Variants in NEK4 observed in about 807,000 individuals in gnomAD.
The protein encoded by NEK4 is serine/threonine-protein kinase Nek4.
A neutral mutation model predicts 98.4 loss-of-function variants in NEK4; 86 were observed. That is an observed-to-expected ratio of 0.87 (90% confidence interval 0.73 to 1.05). The LOEUF (loss-of-function observed/expected upper bound fraction) is 1.05, where lower values mean the gene tolerates loss of function less well. Ranked by LOEUF, NEK4 falls within the 50% of genes least tolerant of loss-of-function variation. The pLI is 0.00. For missense variants in NEK4, 898 were observed against 950.3 expected, an observed-to-expected ratio of 0.94 and a Z score of 0.72; for synonymous variants, 328 against 342.2, an observed-to-expected ratio of 0.96 and a Z score of 0.46.
In NEK4 at chr3:52,746,234, T is replaced by G. The variant is rs766362889; in HGVS notation, c.1678-24A>C. On this transcript the variant is annotated intron_variant, in intron 9 of 15. Transcript: ENST00000233027. ...AACTTAAATAATTAAAAAAGAAGAT[T>G]ATCAGTTTCATATATAGCCCCTTCC... 3 of 1,610,316 alleles carry G rather than the reference T, an allele frequency of 1.9e-6. No individual in the cohort carries two copies. The South Asian group carries it at 3.3e-5, about 18-fold the overall frequency.
chr3:52,716,431 A>G (rs1256286430), intron 15 of NEK4, among the ~76,000 whole-genome samples: 2 of 152,242 alleles, frequency 1.3e-5, no homozygotes, highest in African/African-American at 4.8e-5. Flanking sequence ...GCCAGTTTCA[A>G]CTGACGTCGT....
chr3:52,763,647 AAT>A, intron 4 of NEK4, 23 bp from the exon 5 acceptor site: 1 of 1,536,278 alleles, frequency 6.5e-7, no homozygotes, highest in South Asian at 1.2e-5. Context: ...ATAATATTGT[AAT>A]TATGACTAAT....
In NEK4 at chr3:52,766,182, T is replaced by G; in HGVS notation, c.554A>C (p.Tyr185Ser). ...GCATACAGAGCCCAATCCTACCTTATAGTTGTAGGGTTTGTTTGAGAACAA... is the reference window on the plus strand; with the variant it reads ...GCATACAGAGCCCAATCCTACCTTAGAGTTGTAGGGTTTGTTTGAGAACAA... The part of the protein sequence containing the change: ...PELFSNKPYN[Y>S]KSDVWALGCC... The change falls in exon 3 of 16, where the codon TAT (tyrosine) becomes TCT (serine). Residue 185 changes from tyrosine (Y) to serine (S), a missense_variant. Physicochemically the swap from Tyr to Ser is moderately radical, Grantham distance 144. Coordinates refer to ENST00000233027, the MANE Select transcript of NEK4 (RefSeq NM_003157.6). The G allele has an allele frequency of 6.2e-7, 1 of 1,613,194 alleles. No homozygotes were observed. The highest frequency in any genetic ancestry group is 8.5e-7 in the Non-Finnish European group (1 of 1,179,168).
In NEK4 at chr3:52,766,012, T is replaced by G. The variant is rs1352320742; in HGVS notation, c.559-18A>C. On this transcript the variant is annotated intron_variant, in intron 3 of 15. Coordinates refer to ENST00000233027, the MANE Select transcript of NEK4 (RefSeq NM_003157.6). ...ACATCAGACTAGAAAATAAAAACAG[T>G]AAACGGTTAAATGTCAGAATAGCTT... The G allele has an allele frequency of 6.5e-7, 1 of 1,544,798 alleles. No homozygotes were observed. Among genetic ancestry groups the G allele is most frequent in the Non-Finnish European group, 8.9e-7 (1 of 1,120,578 alleles).
chr3:52,764,646 T>G (rs1698483200), intron 4 of NEK4, among the ~76,000 whole-genome samples: 2 of 151,346 alleles, frequency 1.3e-5, no homozygotes, highest in Admixed American at 6.6e-5. Context: ...AAAAAAAACT[T>G]GCAGGTACCG....
In NEK4 at chr3:52,718,371, G is replaced by A. The variant is rs1033446886; in HGVS notation, c.2434-6502C>T. ...GCCAGTAATCCCAGCTACTCGGTAG[G>A]ATGAGGCAGGAGAATCGCTTGAACC... On this transcript the variant is annotated intron_variant, in intron 15 of 15. Coordinates refer to ENST00000233027, the MANE Select transcript of NEK4 (RefSeq NM_003157.6). Among the ~76,000 whole-genome samples the A allele has an allele frequency of 4.0e-5, 6 of 150,292 alleles. No homozygotes were observed. The Admixed American group carries it at 4.0e-4, about 10-fold the overall frequency.
intron 15 of NEK4, among the ~76,000 whole-genome samples, chr3:52,714,980 G>C (rs999520700): frequency 6.6e-6 from 1 of 152,352 alleles, no homozygotes; most frequent in East Asian, 1.9e-4. Flanking sequence ...GTGGAGGGCA[G>C]CTTGGCACTG....
intron 15 of NEK4, among the ~76,000 whole-genome samples, chr3:52,719,115 G>C (rs932123878): frequency 4.6e-5 from 7 of 152,196 alleles, no homozygotes; most frequent in African/African-American, 1.7e-4. Context: ...CTTAAAGGCA[G>C]AAAGCCTCTA....
chr3:52,737,814 T>C (rs2097378842), intron 14 of NEK4, 95 bp from the exon 15 acceptor site: 1 of 894,688 alleles, frequency 1.1e-6, no homozygotes, highest in Admixed American at 3.2e-5. Context: ...TTTTATTTTA[T>C]TTATTTATTT....
chr3:52,728,686 C>T (rs1335356074), intron 15 of NEK4, among the ~76,000 whole-genome samples: 1 of 152,090 alleles, frequency 6.6e-6, no homozygotes, highest in Non-Finnish European at 1.5e-5. Context: ...AGGGGTCGGG[C>T]AAAATAGAGC....
At chr3:52,749,945 T>TA (rs1215408190) in intron 7 of NEK4, 116 bp from the exon 8 acceptor site, 1 of 153,098 alleles carries the variant, frequency 6.5e-6, no homozygotes, top group Non-Finnish European at 1.5e-5. Context: ...CAATGAACAG[T>TA]AACGAGTGTT....
rs569225400 is a variant in NEK4, at chr3:52,768,050, T to C, written c.360+288A>G. The stretch of plus-strand genomic sequence containing the variant: ...CAATGGATAACAAACATAGTCACTC[T>C]ATGCTCTTGGTTGCCTCAGGGTCCT... On this transcript the variant is annotated intron_variant, in intron 2 of 15. Coordinates refer to ENST00000233027, the MANE Select transcript of NEK4 (RefSeq NM_003157.6). Among the ~76,000 whole-genome samples, 30 of 152,338 alleles carry C rather than the reference T, an allele frequency of 2.0e-4. No individual in the cohort carries two copies. The South Asian group carries it at 6.2e-3, about 32-fold the overall frequency.
chr3:52,742,198 G>A (rs1320016744), intron 12 of NEK4, among the ~76,000 whole-genome samples: 1 of 152,014 alleles, frequency 6.6e-6, no homozygotes, highest in Non-Finnish European at 1.5e-5. Context: ...TAGGAATGTT[G>A]GCATTTTAAA....
chr3:52,756,087 C>CT (rs1203701650), intron 6 of NEK4, among the ~76,000 whole-genome samples: 1 of 152,144 alleles, frequency 6.6e-6, no homozygotes, highest in Non-Finnish European at 1.5e-5. Context: ...GATTGAAAGA[C>CT]TTAACATTGT....
chr3:52,739,944 C>CTT (rs2097383035), intron 13 of NEK4, among the ~76,000 whole-genome samples: 1 of 152,128 alleles, frequency 6.6e-6, no homozygotes, highest in African/African-American at 2.4e-5. Flanking sequence ...TGTGGGCCTA[C>CTT]AGAAAGGACA....
chr3:52,711,814 C>A lies in NEK4; in HGVS notation c.2489G>T (p.Arg830Leu), dbSNP rs769126890. The A allele has an allele frequency of 5.0e-6, 8 of 1,610,506 alleles. No individual in the cohort carries two copies. In the South Asian group the frequency reaches 6.6e-5, roughly 13 times the overall value. Reference protein sequence around the residue: ...EKYTTYSVKARQLKFFEENMN... With the variant: ...EKYTTYSVKALQLKFFEENMN... ...GTTTTCTTCAAAAAATTTCAACTGG[C>A]GAGCTTTCACACTGTAAGTTGTATA... Residue 830 changes from arginine to leucine, a missense_variant, in exon 16 of 16, where the codon CGC becomes CTC. Coordinates refer to ENST00000233027, the MANE Select transcript of NEK4 (RefSeq NM_003157.6).
At chr3:52,734,564 T>C (rs1474857017) in intron 15 of NEK4, among the ~76,000 whole-genome samples, 1 of 146,314 alleles carries the variant, frequency 6.8e-6, no homozygotes, top group African/African-American at 2.6e-5. Context: ...TCCCAGCTAC[T>C]AGGGAGGCTG....
At chr3:52,769,046 C>T (rs561236194) in intron 1 of NEK4, among the ~76,000 whole-genome samples, 7 of 152,030 alleles carry the variant, frequency 4.6e-5, no homozygotes, top group Non-Finnish European at 8.8e-5. Context: ...ATGGTGAAAC[C>T]TGTCTCTACT....
At chr3:52,753,417 T>C (rs954825521) in intron 6 of NEK4, 14 of 359,432 alleles carry the variant, frequency 3.9e-5, no homozygotes, top group South Asian at 1.1e-4. Context: ...GAACTCTACA[T>C]TGAAGGCACA....
Sources: gnomAD v4.1 joint callset for allele counts (sites outside exome capture counted in the v4.1 genomes callset) on GRCh38, gnomAD v4.1.1 for gene constraint, MANE v1.5 for transcripts, NCBI Gene and HGNC (gene_info 2026-07-23, HGNC 2026-07-21) for gene names.